Variants in NBPF15 observed in about 807,000 individuals in gnomAD.
The protein encoded by NBPF15 is NBPF family member NBPF15.
NBPF15 carries 74 observed loss-of-function variants against 62.2 expected under a neutral mutation model. That is an observed-to-expected ratio of 1.19 (90% confidence interval 0.99 to 1.44). The LOEUF (loss-of-function observed/expected upper bound fraction) is 1.44. Ranked by LOEUF, NBPF15 falls within the 40% of genes most tolerant of loss-of-function variation. NBPF15 has a pLI of 0.00. For missense variants in NBPF15, 790 were observed against 550.0 expected, an observed-to-expected ratio of 1.44 and a Z score of -4.36; for synonymous variants, 244 against 209.7, an observed-to-expected ratio of 1.16 and a Z score of -1.41.
rs1221589981 is a variant in NBPF15 at position 144,448,339 on chromosome 1, G to T, written c.-191+436C>A. ...CAGTTGAAAAACCTTTGTCTACTGT[G>T]TCCAGACATTCCTGGTGGTATTTCA... On this transcript the variant is annotated intron_variant, in intron 6 of 21. Coordinates refer to ENST00000581897, the MANE Select transcript of NBPF15 (RefSeq NM_001385408.1). 1.3e-5 allele frequency among the ~76,000 whole-genome samples: 2 copies of T among 151,982 alleles called. 1 individual carries two copies. Among genetic ancestry groups the T allele is most frequent in the Non-Finnish European group, 2.9e-5 (2 of 67,992 alleles).
At chr1:144,428,186 C>T (rs1553539684) in intron 15 of NBPF15, among the ~76,000 whole-genome samples, 196 bp from the exon 16 acceptor site, 1 of 149,108 alleles carries the variant, frequency 6.7e-6, no homozygotes. Flanking sequence ...AAGACACACA[C>T]ACACACACAC....
chr1:144,442,193 G>C (rs9438301), intron 6 of NBPF15, among the ~76,000 whole-genome samples: 1 of 95,452 alleles, frequency 1.0e-5, no homozygotes, highest in Admixed American at 1.1e-4. Context: ...ATATATACAC[G>C]TGTATATATA....
At position 144,461,563 on chromosome 1, in the gene NBPF15, G is replaced by A. The variant is rs1653123146; in HGVS notation, c.-1120C>T. ...CACTCAGATGCTCACGCAGCCTCGC[G>A]ACCCTCACCTACCCCTCCCGATACC... On this transcript the variant is annotated 5_prime_UTR_variant, in exon 1 of 22. Transcript: ENST00000581897. 1 of 152,908 alleles carries A rather than the reference G, an allele frequency of 6.5e-6. No homozygotes were observed. The highest frequency in any genetic ancestry group is 1.5e-5 in the Non-Finnish European group (1 of 68,692). The allele number at this position is 152,908 out of a possible 1,614,324, so 9.5% of individuals were successfully genotyped here.
At chr1:144,452,180 A>T (rs1553545699) in intron 4 of NBPF15, among the ~76,000 whole-genome samples, 2 of 151,856 alleles carry the variant, frequency 1.3e-5, no homozygotes, top group Non-Finnish European at 2.9e-5. Flanking sequence ...TAAAATAAAG[A>T]CGGTTCACTA....
chr1:144,422,691 A>C lies in NBPF15; in HGVS notation c.*322T>G. On this transcript the variant is annotated 3_prime_UTR_variant, in exon 22 of 22. Coordinates refer to ENST00000581897, the MANE Select transcript of NBPF15 (RefSeq NM_001385408.1). The stretch of plus-strand genomic sequence containing the variant: ...GACAATGACCTTGAGCAGGTATAGA[A>C]GCTCAGAGACATGCCTGCAAAATGA... The C allele has an allele frequency of 2.0e-6, 1 of 504,952 alleles. No individual in the cohort carries two copies. The highest frequency in any genetic ancestry group is 3.5e-6 in the Non-Finnish European group (1 of 282,646). 31.3% of individuals were successfully genotyped at this position (504,952 alleles called of 1,614,324 possible). A position where few individuals can be genotyped will look rare whatever the true frequency, so the allele number is the denominator to read the frequency against.
rs1208307333 is a variant in NBPF15, at chr1:144,422,799, A to G, written c.*214T>C. The G allele has an allele frequency of 4.2e-5, 51 of 1,212,450 alleles. No homozygotes were observed. Among genetic ancestry groups the G allele is most frequent in the African/African-American group, 6.3e-5 (4 of 63,874 alleles). 75.1% of individuals were successfully genotyped at this position (1,212,450 alleles called of 1,614,324 possible). ...ACTGATCACTCCCGGCATGTTCTGC[A>G]CAGTTATGTGAACGTGTCACACCTA... On this transcript the variant is annotated 3_prime_UTR_variant, in exon 22 of 22. Coordinates refer to ENST00000581897, the MANE Select transcript of NBPF15 (RefSeq NM_001385408.1).
chr1:144,442,443 T>A lies in NBPF15; in HGVS notation c.-190-2148A>T, dbSNP rs1420338783. Among the ~76,000 whole-genome samples the A allele has an allele frequency of 8.2e-5, 12 of 146,936 alleles. No individual in the cohort carries two copies. In the East Asian group the frequency reaches 2.4e-3, roughly 29 times the overall value. ...TTATATATATATATTTTTTTCTTTTTTAAGTGGCGGAGCGAGGGCTACTGC... is the reference window on the plus strand; with the variant it reads ...TTATATATATATATTTTTTTCTTTTATAAGTGGCGGAGCGAGGGCTACTGC... On this transcript the variant is annotated intron_variant, in intron 6 of 21. Coordinates refer to ENST00000581897, the MANE Select transcript of NBPF15 (RefSeq NM_001385408.1).
intron 8 of NBPF15, among the ~76,000 whole-genome samples, chr1:144,438,909 G>C (rs1435470886): frequency 6.6e-6 from 1 of 151,792 alleles, no homozygotes. Flanking sequence ...TTAGCAACAA[G>C]ACTCTGTGCC....
intron 5 of NBPF15, among the ~76,000 whole-genome samples, chr1:144,449,366 A>AT (rs1458430163): frequency 6.6e-6 from 1 of 151,626 alleles, no homozygotes; most frequent in Non-Finnish European, 1.5e-5. Context: ...ATTAAAACAT[A>AT]TGTCCAGAAA....
chr1:144,459,280 C>T (rs202021179), intron 3 of NBPF15, 86 bp downstream of exon 3: 22 of 151,966 alleles, frequency 1.4e-4, no homozygotes, highest in Non-Finnish European at 2.2e-4. Context: ...CACCTGAGAC[C>T]AGGAATTCCA....
At chr1:144,435,560 A>G (rs1446718454) in intron 11 of NBPF15, among the ~76,000 whole-genome samples, 1 of 151,814 alleles carries the variant, frequency 6.6e-6, no homozygotes, top group African/African-American at 2.4e-5. Flanking sequence ...GCTGAGGAGG[A>G]TGAAGACTCA....
chr1:144,450,330 C>T (rs587724835), intron 5 of NBPF15, among the ~76,000 whole-genome samples: 6 of 149,050 alleles, frequency 4.0e-5, no homozygotes, highest in African/African-American at 1.5e-4. Context: ...AGAAGGACTC[C>T]ATGAGTTGTT....
At chr1:144,441,164 T>C (rs1292767139) in intron 6 of NBPF15, among the ~76,000 whole-genome samples, 5 of 151,826 alleles carry the variant, frequency 3.3e-5, no homozygotes, top group African/African-American at 9.7e-5. Flanking sequence ...TCTCATACAA[T>C]TATTTCTGTG....
chr1:144,444,846 AAC>A (rs1202397976), intron 6 of NBPF15, among the ~76,000 whole-genome samples: 3 of 151,980 alleles, frequency 2.0e-5, no homozygotes, highest in Non-Finnish European at 4.4e-5. Context: ...TTGGTCTGGA[AAC>A]ACACATACAG....
Position 144,436,899 on chromosome 1 carries a change from G to C in NBPF15, c.489C>G (p.Ser163Arg), listed in dbSNP as rs1291210549. The C allele has an allele frequency of 6.2e-7, 1 of 1,611,928 alleles. No individual in the cohort carries two copies. The highest frequency in any genetic ancestry group is 1.1e-5 in the South Asian group (1 of 90,980). ...RLTQHLVQKL[S>R]PENDNDDDED... is the part of the protein sequence containing the mutation. ...CAGGGCCTATGGCCACCTTACCTGG[G>C]CTGAGCTTTTGGACAAGGTGCTGTG... The change falls in exon 10 of 22, where the codon AGC (serine) becomes AGG (arginine). Residue 163 changes from serine (S) to arginine (R), a missense_variant. By Grantham distance (110) the Ser-to-Arg change is moderately radical (BLOSUM62 -1). Transcript: ENST00000581897.
rs1160551833 is a variant in NBPF15, at chr1:144,428,101, A to T, written c.1041-111T>A. 363 of 716,122 alleles carry T rather than the reference A, an allele frequency of 5.1e-4. 1 individual carries two copies. In the African/African-American group the frequency reaches 5.5e-3, roughly 11 times the overall value. 44.4% of individuals were successfully genotyped at this position (716,122 alleles called of 1,614,324 possible). A position where few individuals can be genotyped will look rare whatever the true frequency, so the allele number is the denominator to read the frequency against. ...AAGAGTTTGAAAAGAAAAAGGACAG[A>T]TCCATTAATGAGGTAACAAATTATT... On this transcript the variant is annotated intron_variant, in intron 15 of 21. Coordinates refer to ENST00000581897, the MANE Select transcript of NBPF15 (RefSeq NM_001385408.1).
intron 8 of NBPF15, among the ~76,000 whole-genome samples, chr1:144,439,541 C>T (rs1323517147): frequency 4.6e-5 from 7 of 152,080 alleles, no homozygotes; most frequent in Non-Finnish European, 1.0e-4. Flanking sequence ...TTCTTGAAAA[C>T]ATGATTGAGC....
At chr1:144,428,076 A>G (rs587677012) in intron 15 of NBPF15, 86 bp from the exon 16 acceptor site, 34 of 766,476 alleles carry the variant, frequency 4.4e-5, no homozygotes, top group African/African-American at 2.4e-4. Flanking sequence ...TAACATAAGG[A>G]AGAGTTTGAA....
intron 12 of NBPF15, among the ~76,000 whole-genome samples, chr1:144,434,623 A>G (rs1308688917): frequency 1.3e-5 from 2 of 151,204 alleles, no homozygotes; most frequent in African/African-American, 2.4e-5. Context: ...AAAGTAAAGA[A>G]GAAAAGTTTC....
Sources: allele counts gnomAD v4.1 joint callset (sites outside exome capture counted in the v4.1 genomes callset), GRCh38; gene constraint gnomAD v4.1.1; transcripts MANE v1.5; gene names NCBI Gene and HGNC (gene_info 2026-07-23, HGNC 2026-07-21).